SDK1: variants seen among roughly 807,000 people sequenced by gnomAD.
SDK1 encodes protein sidekick-1.
SDK1 carries 157 observed loss-of-function variants against 245.5 expected under a neutral mutation model. The ratio of observed to expected loss-of-function variants is 0.64; its 90% CI spans 0.56 to 0.73. The LOEUF (loss-of-function observed/expected upper bound fraction) is 0.73. Among genes scored for constraint, SDK1 ranks in the 30% least tolerant of loss-of-function variants. SDK1 has a pLI of 0.00. For missense variants in SDK1, 3,583 were observed against 3,002.3 expected, an observed-to-expected ratio of 1.19 and a Z score of -4.52; for synonymous variants, 1,647 against 1,278.5, an observed-to-expected ratio of 1.29 and a Z score of -6.15.
At chr7:3,337,351 ATG>A (rs1019005556) in intron 1 of SDK1, among the ~76,000 whole-genome samples, 14 of 152,200 alleles carry the variant, frequency 9.2e-5, no homozygotes, top group Admixed American at 6.5e-4. Flanking sequence ...AATCTGCCCA[ATG>A]TGAAAAAAAT....
intron 4 of SDK1, among the ~76,000 whole-genome samples, chr7:3,774,214 CAAA>C (rs35211488): frequency 1.6e-4 from 11 of 70,368 alleles, no homozygotes; most frequent in African/African-American, 2.1e-4. Context: ...GACTCCATCT[CAAA>C]AAAAAAAAAA....
intron 1 of SDK1, among the ~76,000 whole-genome samples, chr7:3,427,523 A>C (rs1246667505): frequency 2.0e-3 from 153 of 77,678 alleles, no homozygotes; most frequent in African/African-American, 0.014. Context: ...CCATCTCCCA[A>C]AAAAAAAAAA....
At chr7:4,049,132 C>T (rs1249687069) in intron 17 of SDK1, among the ~76,000 whole-genome samples, 4 of 152,208 alleles carry the variant, frequency 2.6e-5, no homozygotes, top group Non-Finnish European at 5.9e-5. Context: ...TCTGCCTATG[C>T]CTTAAAGAAT....
intron 17 of SDK1, among the ~76,000 whole-genome samples, chr7:4,019,626 T>C (rs528500540): frequency 6.6e-6 from 1 of 152,234 alleles, no homozygotes; most frequent in African/African-American, 2.4e-5. Context: ...AAAAATGCTC[T>C]TCATGAGTGA....
At chr7:4,078,648 C>A (rs6969310) in intron 21 of SDK1, among the ~76,000 whole-genome samples, 4 of 152,124 alleles carry the variant, frequency 2.6e-5, no homozygotes, top group Non-Finnish European at 5.9e-5. Context: ...ATCCCCTTAT[C>A]TTTCTCTAGA....
intron 14 of SDK1, among the ~76,000 whole-genome samples, chr7:4,006,941 G>A (rs1009630199): frequency 6.6e-6 from 1 of 152,222 alleles, no homozygotes; most frequent in Non-Finnish European, 1.5e-5. Context: ...GCGTCTCCAG[G>A]CTTGCTCTGC....
At chr7:3,579,947 C>T (rs1363729084) in intron 1 of SDK1, among the ~76,000 whole-genome samples, 1 of 152,176 alleles carries the variant, frequency 6.6e-6, no homozygotes, top group Non-Finnish European at 1.5e-5. Flanking sequence ...AGCAAAGTTT[C>T]AGGATACAAA....
At chr7:4,110,517 G>A in intron 22 of SDK1, 146 bp from the exon 23 acceptor site, 2 of 633,918 alleles carry the variant, frequency 3.2e-6, no homozygotes, top group Non-Finnish European at 5.8e-6. Context: ...ACAAGAGGGG[G>A]TTGTGCAGGA....
intron 1 of SDK1, among the ~76,000 whole-genome samples, chr7:3,565,750 C>T (rs1562566858): frequency 6.6e-6 from 1 of 152,174 alleles, no homozygotes; most frequent in Non-Finnish European, 1.5e-5. Context: ...GTAACTTATA[C>T]AACTTGATAT....
chr7:3,788,440 C>G (rs1044236737), intron 4 of SDK1, among the ~76,000 whole-genome samples: 1 of 152,260 alleles, frequency 6.6e-6, no homozygotes, highest in South Asian at 2.1e-4. Flanking sequence ...ACAAGTCTGT[C>G]TGTGATATCT....
chr7:3,640,503 T>G (rs1782613935), intron 3 of SDK1, among the ~76,000 whole-genome samples: 1 of 152,254 alleles, frequency 6.6e-6, no homozygotes, highest in East Asian at 1.9e-4. Context: ...CGAAGAATGT[T>G]GCAGAATAAT....
intron 5 of SDK1, among the ~76,000 whole-genome samples, chr7:3,925,928 G>C (rs1779750850): frequency 6.6e-6 from 1 of 152,160 alleles, no homozygotes; most frequent in Non-Finnish European, 1.5e-5. Context: ...GCCACAAGTA[G>C]GTTTTTGCAA....
intron 5 of SDK1, among the ~76,000 whole-genome samples, chr7:3,888,612 CAACAGGAGTGACT>C (rs1781389392): frequency 6.6e-6 from 1 of 152,186 alleles, no homozygotes; most frequent in South Asian, 2.1e-4. Flanking sequence ...AATATCACCA[CAACAGGAGTGACT>C]TTGATAAATT....
Position 3,333,907 on chromosome 7 carries a change from C to G in SDK1, c.298+32023C>G, listed in dbSNP as rs149500679. On this transcript the variant is annotated intron_variant, in intron 1 of 44. Transcript: ENST00000404826. ...ACTGGACTGCCAGGGTGGCCAGCATCCTAGCCCAGGCATGGGGCTGCTGAT... is the reference window on the plus strand; with the variant it reads ...ACTGGACTGCCAGGGTGGCCAGCATGCTAGCCCAGGCATGGGGCTGCTGAT... 4.9e-3 allele frequency among the ~76,000 whole-genome samples: 748 copies of G among 152,328 alleles called. 8 individuals carry two copies. The highest frequency in any genetic ancestry group is 0.017 in the African/African-American group (691 of 41,574).
intron 41 of SDK1, among the ~76,000 whole-genome samples, chr7:4,236,617 G>A (rs552441698): frequency 2.6e-4 from 40 of 152,154 alleles, no homozygotes; most frequent in African/African-American, 8.7e-4. Context: ...GGGGTGCTTC[G>A]TGGGCTCAGG....
chr7:4,138,908 G>A (rs1779275066), intron 28 of SDK1, among the ~76,000 whole-genome samples: 2 of 152,204 alleles, frequency 1.3e-5, no homozygotes, highest in South Asian at 2.1e-4. Flanking sequence ...CCAGCTTCCA[G>A]GCCATCACCT....
intron 42 of SDK1, among the ~76,000 whole-genome samples, chr7:4,239,550 A>T (rs1786391612): frequency 6.6e-6 from 1 of 152,168 alleles, no homozygotes; most frequent in African/African-American, 2.4e-5. Flanking sequence ...TTTTTTAAAT[A>T]GACGGGTTTC....
At chr7:3,428,126 C>G (rs1456253051) in intron 1 of SDK1, among the ~76,000 whole-genome samples, 1 of 152,140 alleles carries the variant, frequency 6.6e-6, no homozygotes, top group African/African-American at 2.4e-5. Flanking sequence ...TGTCTGTGTA[C>G]CAACTCAGAT....
At chr7:3,970,432 G>A (rs891189669) in intron 11 of SDK1, among the ~76,000 whole-genome samples, 2 of 152,158 alleles carry the variant, frequency 1.3e-5, no homozygotes, top group African/African-American at 4.8e-5. Context: ...CCATTTGGTG[G>A]ATGACTCTGT....
Sources: allele counts gnomAD v4.1 joint callset (sites outside exome capture counted in the v4.1 genomes callset), GRCh38; gene constraint gnomAD v4.1.1; transcripts MANE v1.5; gene names NCBI Gene and HGNC (gene_info 2026-07-23, HGNC 2026-07-21).